Variants in SAMD4A observed in about 807,000 individuals in gnomAD.
SAMD4A encodes the protein protein Smaug homolog 1.
Under a neutral mutation model 81.3 loss-of-function variants are expected in SAMD4A, and 33 were observed. The ratio of observed to expected loss-of-function variants is 0.41; its 90% CI spans 0.31 to 0.54. The LOEUF (loss-of-function observed/expected upper bound fraction) is 0.54. Among genes scored for constraint, SAMD4A ranks in the 20% least tolerant of loss-of-function variants. The pLI, the probability that SAMD4A is intolerant of heterozygous loss-of-function variation, is 0.37. For synonymous variants in SAMD4A, 389 were observed against 382.1 expected (o/e 1.02, Z -0.21); for missense variants, 854 against 951.1 (o/e 0.90, Z 1.34).
At chr14:54,758,240 G>T (rs547172894) in intron 6 of SAMD4A, among the ~76,000 whole-genome samples, 1 of 152,184 alleles carries the variant, frequency 6.6e-6, no homozygotes, top group African/African-American at 2.4e-5. Context: ...CATAATCCAG[G>T]CTCCACTTCC....
At chr14:54,635,472 A>G (rs951384486) in intron 2 of SAMD4A, among the ~76,000 whole-genome samples, 1 of 151,014 alleles carries the variant, frequency 6.6e-6, no homozygotes, top group Non-Finnish European at 1.5e-5. Context: ...CCAACAGGCC[A>G]GGTGCAATCG....
chr14:54,757,423 G>GT (rs769063183), intron 6 of SAMD4A, among the ~76,000 whole-genome samples: 2,567 of 135,326 alleles, frequency 0.019, 57 homozygotes, highest in African/African-American at 0.069. Flanking sequence ...GTGTGTGTGT[G>GT]TGTGTTTTGT....
intron 2 of SAMD4A, among the ~76,000 whole-genome samples, chr14:54,632,965 C>T (rs2034940703): frequency 6.6e-6 from 1 of 152,186 alleles, no homozygotes. Flanking sequence ...AGAAGCATCA[C>T]AGCAATGAAT....
chr14:54,660,548 A>G (rs927098877), intron 2 of SAMD4A, among the ~76,000 whole-genome samples: 2 of 152,240 alleles, frequency 1.3e-5, no homozygotes, highest in Non-Finnish European at 2.9e-5. Flanking sequence ...AGGTCAGGAA[A>G]GACTGGAGAC....
Position 54,702,670 on chromosome 14 carries a change from C to T in SAMD4A, c.715+90C>T, listed in dbSNP as rs2036750034. On this transcript the variant is annotated intron_variant, in intron 3 of 12. Coordinates refer to ENST00000554335, the MANE Select transcript of SAMD4A (RefSeq NM_015589.6). ...CTGCTGACAGTGTCTGCTCCATGCA[C>T]CCTGTGACCCTGGGAGAGAAGGACT... 6 of 1,426,088 alleles carry T rather than the reference C, an allele frequency of 4.2e-6. No homozygotes were observed. In the South Asian group the frequency reaches 5.1e-5, roughly 12 times the overall value. The allele number at this position is 1,426,088 out of a possible 1,614,324, so 88.3% of individuals were successfully genotyped here.
At chr14:54,602,338 ACACAC>A (rs2034076115) in intron 2 of SAMD4A, among the ~76,000 whole-genome samples, 1 of 99,154 alleles carries the variant, frequency 1.0e-5, no homozygotes, top group African/African-American at 4.9e-5. Flanking sequence ...ACACACACAC[ACACAC>A]ACACACACAC....
chr14:54,668,190 C>T (rs2035795788), intron 2 of SAMD4A, among the ~76,000 whole-genome samples: 1 of 152,228 alleles, frequency 6.6e-6, no homozygotes, highest in Non-Finnish European at 1.5e-5. Context: ...CTAGTTCCTA[C>T]ATACAACTTG....
rs1231672870 is a variant in SAMD4A, at chr14:54,696,414, C to T, written c.197-5648C>T. Among the ~76,000 whole-genome samples, 4 of 152,312 alleles carry T rather than the reference C, an allele frequency of 2.6e-5. No homozygotes were observed. In the East Asian group the frequency reaches 5.8e-4, roughly 22 times the overall value. ...GAGTCTTTGACCATGTAAAACCCAC[C>T]AATATTCCTGCCTTTTAGCACATTT... On this transcript the variant is annotated intron_variant, in intron 2 of 12. Transcript: ENST00000554335.
chr14:54,782,157 G>T (rs2039014081), intron 11 of SAMD4A, among the ~76,000 whole-genome samples: 1 of 152,152 alleles, frequency 6.6e-6, no homozygotes, highest in Non-Finnish European at 1.5e-5. Context: ...TCCCAGGCTT[G>T]GAAAATGGCA....
At chr14:54,712,120 CT>C (rs2037004870) in intron 3 of SAMD4A, among the ~76,000 whole-genome samples, 1 of 152,154 alleles carries the variant, frequency 6.6e-6, no homozygotes, top group South Asian at 2.1e-4. Flanking sequence ...CTCTTGGAAC[CT>C]AAAAAGGAAG....
At position 54,714,051 on chromosome 14, in the gene SAMD4A, A is replaced by G. The variant is rs2037057915; in HGVS notation, c.715+11471A>G. ...TGTTTAAAGAAGGGAATCATAACAA[A>G]TAAGACTTTAAATGTATAATTTTAT... On this transcript the variant is annotated intron_variant, in intron 3 of 12. Coordinates refer to ENST00000554335, the MANE Select transcript of SAMD4A (RefSeq NM_015589.6). 2.0e-5 allele frequency among the ~76,000 whole-genome samples: 3 copies of G among 152,366 alleles called. No individual in the cohort carries two copies. In the South Asian group the frequency reaches 6.2e-4, roughly 32 times the overall value.
chr14:54,737,221 A>G lies in SAMD4A; in HGVS notation c.913A>G (p.Ser305Gly). The G allele has an allele frequency of 6.2e-7, 1 of 1,614,166 alleles. No homozygotes were observed. The highest frequency in any genetic ancestry group is 8.5e-7 in the Non-Finnish European group (1 of 1,180,020). ...SSVASSGSGG[S>G]EHLEDQTTAR... is the part of the protein sequence containing the mutation. ...TGTAGCCTCTTCAGGAAGTGGTGGGAGTGAACACTTAGAAGATCAGACCAC... is the reference window on the plus strand; with the variant it reads ...TGTAGCCTCTTCAGGAAGTGGTGGGGGTGAACACTTAGAAGATCAGACCAC... The change falls in exon 4 of 13, where the codon AGT becomes GGT. Residue 305 changes from serine (S) to glycine (G), a missense_variant. Transcript: ENST00000554335.
chr14:54,643,648 G>A (rs2035222461), intron 2 of SAMD4A, among the ~76,000 whole-genome samples: 3 of 152,098 alleles, frequency 2.0e-5, no homozygotes. Flanking sequence ...GAAGTTTTGC[G>A]GTGTTATAAG....
At chr14:54,772,910 T>G (rs1212816740) in intron 9 of SAMD4A, among the ~76,000 whole-genome samples, 1 of 152,036 alleles carries the variant, frequency 6.6e-6, no homozygotes, top group Non-Finnish European at 1.5e-5. Context: ...CATGTGAAAC[T>G]TATTCTACCC....
At chr14:54,698,961 A>G (rs1200805460) in intron 2 of SAMD4A, among the ~76,000 whole-genome samples, 1 of 151,496 alleles carries the variant, frequency 6.6e-6, no homozygotes, top group Non-Finnish European at 1.5e-5. Context: ...CTTTTGTGGA[A>G]GGGTAGAATG....
At chr14:54,615,312 A>G (rs1355666962) in intron 2 of SAMD4A, among the ~76,000 whole-genome samples, 1 of 152,222 alleles carries the variant, frequency 6.6e-6, no homozygotes, top group Non-Finnish European at 1.5e-5. Context: ...ACCTGAGATT[A>G]TGTGATCAGT....
intron 2 of SAMD4A, among the ~76,000 whole-genome samples, chr14:54,687,705 T>C (rs1264623300): frequency 3.3e-5 from 5 of 152,256 alleles, no homozygotes; most frequent in African/African-American, 7.2e-5. Flanking sequence ...CATTACTGCA[T>C]GATTTGGGGC....
chr14:54,706,414 G>A (rs2036858607), intron 3 of SAMD4A, among the ~76,000 whole-genome samples: 1 of 151,996 alleles, frequency 6.6e-6, no homozygotes, highest in Admixed American at 6.6e-5. Context: ...AGACCAGCCT[G>A]GCCAACATGG....
At chr14:54,711,037 A>G (rs998449947) in intron 3 of SAMD4A, among the ~76,000 whole-genome samples, 2 of 152,194 alleles carry the variant, frequency 1.3e-5, no homozygotes, top group Admixed American at 6.5e-5. Flanking sequence ...CTATAATTCA[A>G]TAAGAGATGG....
Sources: allele counts gnomAD v4.1 joint callset (sites outside exome capture counted in the v4.1 genomes callset), GRCh38; gene constraint gnomAD v4.1.1; transcripts MANE v1.5; gene names NCBI Gene and HGNC (gene_info 2026-07-23, HGNC 2026-07-21).